CES5A: variants seen among roughly 807,000 people sequenced by gnomAD.
The protein encoded by CES5A is carboxylesterase 5A.
CES5A carries 67 observed loss-of-function variants against 62.9 expected under a neutral mutation model. That is an observed-to-expected ratio of 1.07 (90% confidence interval 0.88 to 1.31). CES5A has a LOEUF of 1.31. Among genes scored for constraint, CES5A ranks in the 50% most tolerant of loss-of-function variants. The pLI, the probability that CES5A is intolerant of heterozygous loss-of-function variation, is 0.00. For missense variants in CES5A, 748 were observed against 708.5 expected, an observed-to-expected ratio of 1.06 and a Z score of -0.63; for synonymous variants, 296 against 280.8, an observed-to-expected ratio of 1.05 and a Z score of -0.54.
In CES5A at chr16:55,846,807, C is replaced by G. The variant is rs1228385504; in HGVS notation, c.1457G>C (p.Arg486Pro). The G allele has an allele frequency of 1.9e-6, 3 of 1,613,980 alleles. No individual in the cohort carries two copies. In the South Asian group the frequency reaches 3.3e-5, roughly 18 times the overall value. Reference sequence around the variant, plus strand: ...GGTAGCCCAGTATTTCATCATCTTCCGGCTCAGTAACTTCTCCTCCTCCGT... The same window carrying G: ...GGTAGCCCAGTATTTCATCATCTTCGGGCTCAGTAACTTCTCCTCCTCCGT... ...GATEEEKLLS[R>P]KMMKYWATFA... Residue 486 changes from arginine to proline, a missense_variant, in exon 12 of 13, where the codon CGG (arginine) becomes CCG (proline). Arg to Pro is a moderately radical substitution (Grantham distance 103). Coordinates refer to ENST00000290567, the MANE Select transcript of CES5A (RefSeq NM_001143685.2).
intron 1 of CES5A, among the ~76,000 whole-genome samples, chr16:55,919,271 T>G (rs1256462689): frequency 6.6e-6 from 1 of 152,254 alleles, no homozygotes; most frequent in African/African-American, 2.4e-5. Flanking sequence ...CTGAGCTTTG[T>G]GCAACATATG....
At chr16:55,868,029 G>A (rs1189006284) in intron 4 of CES5A, among the ~76,000 whole-genome samples, 1 of 152,070 alleles carries the variant, frequency 6.6e-6, no homozygotes, top group Non-Finnish European at 1.5e-5. Flanking sequence ...TCTGTGAAAG[G>A]TACTCCTGGT....
intron 6 of CES5A, 88 bp from the exon 7 acceptor site, chr16:55,861,604 A>T: frequency 3.3e-6 from 3 of 895,848 alleles, no homozygotes; most frequent in African/African-American, 1.6e-5. Context: ...AATCAGCCAC[A>T]GGCTGGCCCT....
At chr16:55,849,478 G>A in intron 11 of CES5A, 146 bp downstream of exon 11, 3 of 830,012 alleles carry the variant, frequency 3.6e-6, no homozygotes, top group Non-Finnish European at 5.7e-6. Context: ...AAAATGGAAG[G>A]GAGGGCATTT....
chr16:55,917,783 C>T (rs2034162604), intron 1 of CES5A, among the ~76,000 whole-genome samples: 1 of 152,150 alleles, frequency 6.6e-6, no homozygotes, highest in African/African-American at 2.4e-5. Flanking sequence ...AGGGCATGAA[C>T]AGCAGGACAC....
At chr16:55,931,672 G>A (rs1216890604) in intron 2 of CES5A, among the ~76,000 whole-genome samples, 1 of 152,074 alleles carries the variant, frequency 6.6e-6, no homozygotes, top group Non-Finnish European at 1.5e-5. Context: ...TCTGTCCTTT[G>A]GGGCCTGCCT....
At chr16:55,921,020 G>A (rs2034198671) in intron 1 of CES5A, among the ~76,000 whole-genome samples, 1 of 152,104 alleles carries the variant, frequency 6.6e-6, no homozygotes, top group African/African-American at 2.4e-5. Flanking sequence ...AATGGATCAA[G>A]CAAAGGAAAG....
At chr16:55,899,986 A>T (rs1215312915) in intron 1 of CES5A, among the ~76,000 whole-genome samples, 1 of 152,204 alleles carries the variant, frequency 6.6e-6, no homozygotes, top group African/African-American at 2.4e-5. Context: ...CTATTAATCA[A>T]ATCCAAACCC....
chr16:55,868,126 G>T (rs1185289255), intron 4 of CES5A, among the ~76,000 whole-genome samples: 2 of 152,160 alleles, frequency 1.3e-5, no homozygotes, highest in East Asian at 1.9e-4. Context: ...TTGCCTTCCC[G>T]CATCCATCTC....
Position 55,846,755 on chromosome 16 carries a change from G to T in CES5A, c.1496+13C>A. 1 of 1,614,048 alleles carries T rather than the reference G, an allele frequency of 6.2e-7. No homozygotes were observed. The highest frequency in any genetic ancestry group is 8.5e-7 in the Non-Finnish European group (1 of 1,179,932). On this transcript the variant is annotated intron_variant, in intron 12 of 12. Transcript: ENST00000290567. ...CAGGCCTTGGCATGGGGGAGACCGG[G>T]AGGTTTACTTACCCGGTTCGAGCAA... is the stretch of plus-strand genomic sequence containing the variant.
chr16:55,881,900 A>G (rs2033765787), intron 1 of CES5A, among the ~76,000 whole-genome samples: 1 of 152,172 alleles, frequency 6.6e-6, no homozygotes, highest in Non-Finnish European at 1.5e-5. Flanking sequence ...AGGTGGAAAT[A>G]ATTACCTTAA....
intron 9 of CES5A, 67 bp downstream of exon 9, chr16:55,856,310 G>T (rs1230457839): frequency 1.0e-5 from 15 of 1,461,128 alleles, no homozygotes; most frequent in Non-Finnish European, 1.4e-5. Flanking sequence ...CTCCTGCTGA[G>T]TGTGACCTAG....
chr16:55,859,650 A>G lies in CES5A; in HGVS notation c.953T>C (p.Phe318Ser). The change falls in exon 8 of 13, where the codon TTC (phenylalanine) becomes TCC (serine). Residue 318 changes from phenylalanine (F) to serine (S), a missense_variant. By Grantham distance (155) the Phe-to-Ser change is radical. Coordinates refer to ENST00000290567, the MANE Select transcript of CES5A (RefSeq NM_001143685.2). ...TAGATCTAGAGGCTCATTAGGAAAG[A>G]AAGCACCATCAACCACTCGAGTGAA... ...KSFTRVVDGAFFPNEPLDLLS... is the reference protein window; with the variant it reads ...KSFTRVVDGASFPNEPLDLLS... The G allele has an allele frequency of 6.2e-7, 1 of 1,613,328 alleles. No individual in the cohort carries two copies. Among genetic ancestry groups the G allele is most frequent in the Non-Finnish European group, 8.5e-7 (1 of 1,179,712 alleles).
intron 1 of CES5A, among the ~76,000 whole-genome samples, chr16:55,923,246 T>C (rs2034226239): frequency 1.3e-5 from 2 of 151,442 alleles, no homozygotes; most frequent in Admixed American, 6.6e-5. Context: ...AGTTACTTTT[T>C]TAAGAAGATA....
chr16:55,856,141 C>T (rs1403844561), intron 9 of CES5A, among the ~76,000 whole-genome samples: 3 of 152,170 alleles, frequency 2.0e-5, no homozygotes, highest in African/African-American at 7.2e-5. Context: ...GCTTCCTGTA[C>T]AGCCTGCAGC....
At chr16:55,862,716 GC>G (rs1473185875) in intron 6 of CES5A, among the ~76,000 whole-genome samples, 1 of 152,172 alleles carries the variant, frequency 6.6e-6, no homozygotes, top group Admixed American at 6.5e-5. Flanking sequence ...TGGCTGCACA[GC>G]CCAGTGCTTA....
chr16:55,924,936 C>T (rs573716063), intron 1 of CES5A, among the ~76,000 whole-genome samples: 19 of 152,116 alleles, frequency 1.2e-4, no homozygotes, highest in African/African-American at 2.4e-4. Context: ...ATTGGATAAA[C>T]GCCACAGGAC....
chr16:55,955,173 C>G (rs1260805949), intron 1 of CES5A, among the ~76,000 whole-genome samples: 1 of 152,120 alleles, frequency 6.6e-6, no homozygotes, highest in African/African-American at 2.4e-5. Context: ...ACATGAGAAC[C>G]GCAAGAGGCT....
At chr16:55,924,520 C>T (rs946223877) in intron 1 of CES5A, among the ~76,000 whole-genome samples, 3 of 152,002 alleles carry the variant, frequency 2.0e-5, no homozygotes, top group African/African-American at 4.8e-5. Context: ...AGATTCAATG[C>T]AATCCCTATC....
Sources: gnomAD v4.1 joint callset for allele counts (sites outside exome capture counted in the v4.1 genomes callset) on GRCh38, gnomAD v4.1.1 for gene constraint, MANE v1.5 for transcripts, NCBI Gene and HGNC (gene_info 2026-07-23, HGNC 2026-07-21) for gene names.